Variants in LRRC61 observed in about 807,000 individuals in gnomAD.
LRRC61 encodes leucine-rich repeat-containing protein 61.
LRRC61 carries 9 observed loss-of-function variants against 15.1 expected under a neutral mutation model. The ratio of observed to expected loss-of-function variants is 0.60; its 90% confidence interval spans 0.36 to 1.04. The LOEUF (loss-of-function observed/expected upper bound fraction) is 1.04. Ranked by LOEUF, LRRC61 falls within the 50% of genes least tolerant of loss-of-function variation. The probability of loss-of-function intolerance (pLI) is 0.01; values close to 1 mark genes in which losing one functional copy is unlikely to be tolerated. For missense variants in LRRC61, 344 were observed against 335.6 expected (o/e 1.03, Z -0.20); for synonymous variants, 173 against 158.6 (o/e 1.09, Z -0.68).
the LRRC61 span, among the ~76,000 whole-genome samples, chr7:150,316,959 G>A: frequency 6.6e-6 from 1 of 151,958 alleles, no homozygotes; most frequent in African/African-American, 2.4e-5. Context: ...ATGCTTAAAA[G>A]TTTTGGTTTT....
At position 150,336,795 on chromosome 7, in the gene LRRC61, C is replaced by T. The variant is rs747809417; in HGVS notation, c.-67C>T. On this transcript the variant is annotated 5_prime_UTR_variant, in exon 3 of 3. Transcript: ENST00000359623. ...TGGGTAGAGCCAGGGCGAGCACCAG[C>T]TGACCCCCAGTGGAACCCTGTGACA... 16 of 1,540,588 alleles carry T rather than the reference C, an allele frequency of 1.0e-5. No individual in the cohort carries two copies. The highest frequency in any genetic ancestry group is 1.4e-5 in the Non-Finnish European group (16 of 1,143,940).
At chr7:150,329,487 A>C (rs1798038926) in intron 2 of LRRC61, among the ~76,000 whole-genome samples, 1 of 152,160 alleles carries the variant, frequency 6.6e-6, no homozygotes, top group Non-Finnish European at 1.5e-5. Context: ...GCGGTCCCCC[A>C]GCCACACTCT....
intron 2 of LRRC61, chr7:150,331,504 T>C (rs1310287120): frequency 2.6e-5 from 5 of 192,538 alleles, no homozygotes; most frequent in Non-Finnish European, 2.4e-5. Context: ...TTCTGGGAGA[T>C]GTCATTTTCC....
At chr7:150,313,965 T>C in the LRRC61 span, among the ~76,000 whole-genome samples, 1 of 152,160 alleles carries the variant, frequency 6.6e-6, no homozygotes, top group African/African-American at 2.4e-5. Context: ...GTGGCAGAAA[T>C]GAACAACTCG....
At chr7:150,312,538 G>A in the LRRC61 span, among the ~76,000 whole-genome samples, 3 of 152,272 alleles carry the variant, frequency 2.0e-5, no homozygotes, top group African/African-American at 7.2e-5. Context: ...AAGCTAATAT[G>A]CCTGATTACT....
At chr7:150,310,302 T>A in the LRRC61 span, among the ~76,000 whole-genome samples, 1 of 152,076 alleles carries the variant, frequency 6.6e-6, no homozygotes, top group South Asian at 2.1e-4. Flanking sequence ...TACCATTCCA[T>A]TAAAACCTAA....
the LRRC61 span, among the ~76,000 whole-genome samples, chr7:150,310,808 A>C: frequency 6.6e-6 from 1 of 152,118 alleles, no homozygotes; most frequent in African/African-American, 2.4e-5. Context: ...TATGTTGATG[A>C]ACTTCTTCTT....
chr7:150,330,190 T>TCCAGCG lies in LRRC61; in HGVS notation c.-145+4188_-145+4193dup, dbSNP rs755022944. ...GAGGCCCAGGGACTCCTCACCCAGC[T>TCCAGCG]CCAGCGCCAGCGCAGCCTCCTAGCC... On this transcript the variant is annotated intron_variant, in intron 2 of 2. Coordinates refer to ENST00000359623, the MANE Select transcript of LRRC61 (RefSeq NM_001142928.2). This position sits in a 1 kb window ranked among gnomAD's most constrained non-coding sequence, Gnocchi z 4.6. 369 of 589,602 alleles carry TCCAGCG rather than the reference T, an allele frequency of 6.3e-4. 2 individuals carry two copies. The highest frequency in any genetic ancestry group is 1.8e-3 in the Middle Eastern group (4 of 2,228). The allele number at this position is 589,602 out of a possible 1,614,324, so 36.5% of individuals were successfully genotyped here.
At chr7:150,324,128 A>G (rs1413853656) in intron 1 of LRRC61, among the ~76,000 whole-genome samples, 1 of 152,096 alleles carries the variant, frequency 6.6e-6, no homozygotes, top group African/African-American at 2.4e-5. Flanking sequence ...ATCTCCTCCT[A>G]TCCCTTTCTC....
upstream of LRRC61, among the ~76,000 whole-genome samples, chr7:150,319,521 T>C (rs1217285304): frequency 5.3e-5 from 8 of 152,150 alleles, no homozygotes; most frequent in Non-Finnish European, 8.8e-5. Context: ...ACAAACTTCT[T>C]AAGGGTCTGT....
chr7:150,317,358 T>C, the LRRC61 span, among the ~76,000 whole-genome samples: 2 of 152,130 alleles, frequency 1.3e-5, no homozygotes, highest in Non-Finnish European at 2.9e-5. Context: ...CAGCCTTCCT[T>C]TGTATTTTCT....
intron 2 of LRRC61, chr7:150,332,142 A>G (rs1180578055): frequency 1.2e-5 from 2 of 167,114 alleles, no homozygotes; most frequent in Non-Finnish European, 1.5e-5. Flanking sequence ...TTAAAGGGGA[A>G]GTCCCTTATT....
the LRRC61 span, among the ~76,000 whole-genome samples, chr7:150,315,855 T>C: frequency 5.9e-5 from 9 of 152,102 alleles, no homozygotes; most frequent in Non-Finnish European, 1.3e-4. Flanking sequence ...CTTAACGATG[T>C]ATCCTGAAAA....
At chr7:150,310,005 G>A in the LRRC61 span, among the ~76,000 whole-genome samples, 5 of 152,040 alleles carry the variant, frequency 3.3e-5, no homozygotes, top group South Asian at 2.1e-4. Context: ...GGGTATTGAC[G>A]GCCAAGCTTC....
rs1232888843 is a variant in LRRC61, at chr7:150,325,945, GA to G, written c.-209del. On this transcript the variant is annotated 5_prime_UTR_variant, in exon 2 of 3. It removes the in-frame stop codon of an upstream open reading frame in the 5' UTR. Coordinates refer to ENST00000359623, the MANE Select transcript of LRRC61 (RefSeq NM_001142928.2). ...GTGGTGTCACTGTTGTACCAGTGAT[GA>G]CACAAAATCCCAGATCTACCTGACG... The G allele has an allele frequency of 2.1e-4, 32 of 152,780 alleles. No homozygotes were observed. Among genetic ancestry groups the G allele is most frequent in the African/African-American group, 7.2e-4 (30 of 41,570 alleles). The allele number at this position is 152,780 out of a possible 1,614,324, so 9.5% of individuals were successfully genotyped here.
chr7:150,330,686 C>G lies in LRRC61; in HGVS notation c.-145+4676C>G, dbSNP rs202189755. On this transcript the variant is annotated intron_variant, in intron 2 of 2. Coordinates refer to ENST00000359623, the MANE Select transcript of LRRC61 (RefSeq NM_001142928.2). This position sits in a 1 kb window ranked among gnomAD's most constrained non-coding sequence, Gnocchi z 4.6. Reference sequence around the variant, plus strand: ...AGGCCATCCTGCCATGGGGGCCGACCGACATTGACCACTGGAAGCAAGTCC... The same window carrying G: ...AGGCCATCCTGCCATGGGGGCCGACGGACATTGACCACTGGAAGCAAGTCC... 2 of 1,447,126 alleles carry G rather than the reference C, an allele frequency of 1.4e-6. No individual in the cohort carries two copies. The highest frequency in any genetic ancestry group is 1.7e-5 in the Admixed American group (1 of 59,816). 89.6% of individuals were successfully genotyped at this position (1,447,126 alleles called of 1,614,324 possible). A position where few individuals can be genotyped will look rare whatever the true frequency, so the allele number is the denominator to read the frequency against.
the LRRC61 span, among the ~76,000 whole-genome samples, chr7:150,310,092 C>CGTTA: frequency 6.6e-6 from 1 of 152,186 alleles, no homozygotes; most frequent in Non-Finnish European, 1.5e-5. Context: ...TTATCCCCAC[C>CGTTA]TGCCCAGTTC....
chr7:150,316,989 C>T, the LRRC61 span, among the ~76,000 whole-genome samples: 2 of 152,030 alleles, frequency 1.3e-5, no homozygotes, highest in African/African-American at 4.8e-5. Context: ...AGATTTTGTA[C>T]ATTTTCTGCT....
chr7:150,324,755 G>A (rs1252680303), intron 1 of LRRC61, among the ~76,000 whole-genome samples: 2 of 151,998 alleles, frequency 1.3e-5, no homozygotes, highest in African/African-American at 2.4e-5. Context: ...TAGCCTCCCC[G>A]CTCTTCCCAG....
Sources: allele counts gnomAD v4.1 joint callset (sites outside exome capture counted in the v4.1 genomes callset), GRCh38; gene constraint gnomAD v4.1.1; non-coding constraint Gnocchi (gnomAD v3.1); transcripts MANE v1.5; gene names NCBI Gene and HGNC (gene_info 2026-07-23, HGNC 2026-07-21).